PCDHA9: variants seen among roughly 807,000 people sequenced by gnomAD.
PCDHA9 encodes protocadherin alpha 9.
PCDHA9 carries 62 observed loss-of-function variants against 62.0 expected under a neutral mutation model. The ratio of observed to expected loss-of-function variants is 1.00; its 90% CI spans 0.81 to 1.23. The LOEUF (loss-of-function observed/expected upper bound fraction) is 1.23, where lower values mean the gene tolerates loss of function less well. Ranked by LOEUF, PCDHA9 falls within the 50% of genes most tolerant of loss-of-function variation. The probability of loss-of-function intolerance (pLI) is 0.00; values close to 1 mark genes in which losing one functional copy is unlikely to be tolerated. For synonymous variants in PCDHA9, 557 were observed against 567.6 expected, an observed-to-expected ratio of 0.98 and a Z score of 0.27; for missense variants, 1,205 against 1,249.8, an observed-to-expected ratio of 0.96 and a Z score of 0.54.
intron 1 of PCDHA9, among the ~76,000 whole-genome samples, chr5:140,960,767 G>A (rs1160174091): frequency 1.3e-5 from 2 of 152,036 alleles, no homozygotes; most frequent in Admixed American, 6.6e-5. Context: ...GAGTTACAGA[G>A]GAGAAATAGG....
At chr5:140,928,252 G>T in intron 1 of PCDHA9, 1 of 1,614,208 alleles carries the variant, frequency 6.2e-7, no homozygotes, top group Non-Finnish European at 8.5e-7. Flanking sequence ...GGAACTTTTC[G>T]TTGCTGAAAA....
chr5:140,852,853 C>A, intron 1 of PCDHA9: 1 of 962,938 alleles, frequency 1.0e-6, no homozygotes, highest in Non-Finnish European at 1.3e-6. Context: ...ACTTACTAAG[C>A]ATTTACTATG....
At position 140,869,188 on chromosome 5, in the gene PCDHA9, G is replaced by T. The variant is rs200563745; in HGVS notation, c.2394+18299G>T. 364 of 1,613,946 alleles carry T rather than the reference G, an allele frequency of 2.3e-4. 4 individuals carry two copies. In the Admixed American group the frequency reaches 5.9e-3, roughly 26 times the overall value. On this transcript the variant is annotated intron_variant, in intron 1 of 3. Coordinates refer to ENST00000532602, the MANE Select transcript of PCDHA9 (RefSeq NM_031857.2). ...CCTCGAATTCTGGGAGGTGGGGAGC[G>T]GCCAGCTCCACTACTCCGTCTCGGA...
intron 1 of PCDHA9, among the ~76,000 whole-genome samples, chr5:140,892,990 G>T (rs782084236): frequency 1.3e-5 from 2 of 152,164 alleles, no homozygotes; most frequent in African/African-American, 2.4e-5. Context: ...GTATAAGTGA[G>T]AACATGTATT....
intron 1 of PCDHA9, among the ~76,000 whole-genome samples, chr5:140,926,076 T>C (rs2082906284): frequency 1.3e-5 from 2 of 152,204 alleles, no homozygotes; most frequent in Admixed American, 1.3e-4. Context: ...TCGTCTCTAT[T>C]GCCCTCTTGG....
chr5:140,876,819 C>G (rs781959784), intron 1 of PCDHA9: 4 of 1,614,180 alleles, frequency 2.5e-6, no homozygotes, highest in Non-Finnish European at 3.4e-6. Context: ...CCGACGTGAA[C>G]GACAATGCGC....
chr5:140,966,205 CT>C, intron 1 of PCDHA9: 1 of 226,680 alleles, frequency 4.4e-6, no homozygotes. Flanking sequence ...GGCTTGACTG[CT>C]TTTCCCAGAC....
intron 1 of PCDHA9, among the ~76,000 whole-genome samples, chr5:140,911,798 T>C (rs1387986120): frequency 6.6e-6 from 1 of 152,178 alleles, no homozygotes; most frequent in Non-Finnish European, 1.5e-5. Context: ...GGTCTAATCA[T>C]ATTAAGCAGC....
chr5:140,871,499 G>T, intron 1 of PCDHA9: 1 of 1,584,436 alleles, frequency 6.3e-7, no homozygotes, highest in Admixed American at 1.8e-5. Flanking sequence ...GGACAGGTGA[G>T]TTTTCTACAG....
intron 1 of PCDHA9, among the ~76,000 whole-genome samples, chr5:140,923,822 T>C (rs1377526546): frequency 6.6e-6 from 1 of 152,156 alleles, no homozygotes; most frequent in Non-Finnish European, 1.5e-5. Flanking sequence ...AAAATAGACG[T>C]CAGTGGCAGT....
Position 140,848,487 on chromosome 5 carries a change from G to C in PCDHA9, c.-9G>C, listed in dbSNP as rs782524885. 1.3e-6 allele frequency: 2 copies of C among 1,574,380 alleles called. No homozygotes were observed. The highest frequency in any genetic ancestry group is 1.7e-6 in the Non-Finnish European group (2 of 1,154,136). ...TTTTCACTAATTAGAAGAAGACTGA[G>C]TATTTGAAATGTTATACTCAAGTCG... On this transcript the variant is annotated 5_prime_UTR_variant, in exon 1 of 4. Coordinates refer to ENST00000532602, the MANE Select transcript of PCDHA9 (RefSeq NM_031857.2).
rs782212784 is a variant in PCDHA9 at position 140,883,583 on chromosome 5, G to A, written c.2394+32694G>A. ...GGGCTCGCCTTCGCTGTGGGCCACGGCCAGCGTGTCGGTGGGGGTGGCCGA... is the reference window on the plus strand; with the variant it reads ...GGGCTCGCCTTCGCTGTGGGCCACGACCAGCGTGTCGGTGGGGGTGGCCGA... On this transcript the variant is annotated intron_variant, in intron 1 of 3. Coordinates refer to ENST00000532602, the MANE Select transcript of PCDHA9 (RefSeq NM_031857.2). The A allele has an allele frequency of 1.9e-5, 31 of 1,613,916 alleles. No individual in the cohort carries two copies. The African/African-American group carries it at 3.7e-4, about 19-fold the overall frequency.
At chr5:140,943,278 G>A (rs246067) in intron 1 of PCDHA9, among the ~76,000 whole-genome samples, 37,737 of 121,894 alleles carry the variant, frequency 0.31, 6,744 homozygotes, top group East Asian at 0.43. Flanking sequence ...AAAAAAAAAA[G>A]AAAGAAAGAA....
In PCDHA9 at chr5:140,855,924, G is replaced by A. The variant is rs990164410; in HGVS notation, c.2394+5035G>A. 3.2e-5 allele frequency: 40 copies of A among 1,236,784 alleles called. 2 individuals are homozygous for A. In the Admixed American group the frequency reaches 7.8e-4, roughly 24 times the overall value. 76.6% of individuals were successfully genotyped at this position (1,236,784 alleles called of 1,614,324 possible). A position where few individuals can be genotyped will look rare whatever the true frequency, so the allele number is the denominator to read the frequency against. On this transcript the variant is annotated intron_variant, in intron 1 of 3. Coordinates refer to ENST00000532602, the MANE Select transcript of PCDHA9 (RefSeq NM_031857.2). ...CCAGTTTCTCAAGGACTAGGAAGTA[G>A]CGTCATTCTGAGATCTCAGCCATTT...
intron 1 of PCDHA9, chr5:140,851,860 A>T (rs1213709274): frequency 2.1e-6 from 2 of 974,300 alleles, no homozygotes; most frequent in African/African-American, 3.5e-5. Context: ...CTCAGCTCAT[A>T]CATAACACAA....
At position 140,852,979 on chromosome 5, in the gene PCDHA9, C is replaced by T. The variant is rs1163126310; in HGVS notation, c.2394+2090C>T. ...CTCCAAGCTCCCCCTCCCGTGTTCA[C>T]GCCATTCTCCTGCCTCAGCCTCCCG... On this transcript the variant is annotated intron_variant, in intron 1 of 3. Transcript: ENST00000532602. 7 of 345,732 alleles carry T rather than the reference C, an allele frequency of 2.0e-5. No individual in the cohort carries two copies. In the East Asian group the frequency reaches 5.0e-4, roughly 24 times the overall value. 21.4% of individuals were successfully genotyped at this position (345,732 alleles called of 1,614,324 possible).
chr5:140,915,453 A>G (rs963973003), intron 1 of PCDHA9, among the ~76,000 whole-genome samples: 13 of 152,232 alleles, frequency 8.5e-5, no homozygotes, highest in African/African-American at 2.9e-4. Context: ...AAGGTTTTCC[A>G]GAAGGTTTTT....
In PCDHA9 at chr5:140,929,760, G is replaced by A. The variant is rs139688975; in HGVS notation, c.2395-49189G>A. 1,459 of 180,340 alleles carry A rather than the reference G, an allele frequency of 8.1e-3. 10 individuals carry two copies. Among genetic ancestry groups the A allele is most frequent in the African/African-American group, 0.019 (807 of 42,220 alleles). The allele number at this position is 180,340 out of a possible 1,614,324, so 11.2% of individuals were successfully genotyped here. A position where few individuals can be genotyped will look rare whatever the true frequency, so the allele number is the denominator to read the frequency against. Reference sequence around the variant, plus strand: ...TTGCAATGCATTATTAAAAGATGACGATAACCACAAAAGATGTAAAAATAA... The same window carrying A: ...TTGCAATGCATTATTAAAAGATGACAATAACCACAAAAGATGTAAAAATAA... On this transcript the variant is annotated intron_variant, in intron 1 of 3. Transcript: ENST00000532602.
intron 1 of PCDHA9, among the ~76,000 whole-genome samples, chr5:140,887,179 C>A (rs984497356): frequency 6.6e-6 from 1 of 151,850 alleles, no homozygotes; most frequent in Non-Finnish European, 1.5e-5. Context: ...TCACTGCAAG[C>A]TCCACCTCCC....
Sources: allele counts gnomAD v4.1 joint callset (sites outside exome capture counted in the v4.1 genomes callset), GRCh38; gene constraint gnomAD v4.1.1; transcripts MANE v1.5; gene names NCBI Gene and HGNC (gene_info 2026-07-23, HGNC 2026-07-21).